Variants in STT3B observed in about 807,000 individuals in gnomAD.
STT3B encodes the protein dolichyl-diphosphooligosaccharide--protein glycosyltransferase subunit STT3B.
STT3B carries 29 observed loss-of-function variants against 96.8 expected under a neutral mutation model. The observed-to-expected ratio is 0.30, with a 90% confidence interval of 0.22 to 0.41. The LOEUF is 0.41. Among genes scored for constraint, STT3B ranks in the 10% least tolerant of loss-of-function variants. The probability of loss-of-function intolerance (pLI) is 1.00; values close to 1 mark genes in which losing one functional copy is unlikely to be tolerated. For missense variants in STT3B, 640 were observed against 1,022.3 expected, an observed-to-expected ratio of 0.63 and a Z score of 5.10; for synonymous variants, 367 against 360.0, an observed-to-expected ratio of 1.02 and a Z score of -0.22.
intron 3 of STT3B, among the ~76,000 whole-genome samples, chr3:31,588,790 C>A (rs991885153): frequency 6.6e-6 from 1 of 151,848 alleles, no homozygotes; most frequent in South Asian, 2.1e-4. Flanking sequence ...CTATGTATTG[C>A]CTTTTGTCAA....
At chr3:31,536,457 T>C (rs1697101775) in intron 1 of STT3B, among the ~76,000 whole-genome samples, 1 of 152,230 alleles carries the variant, frequency 6.6e-6, no homozygotes, top group Admixed American at 6.5e-5. Context: ...CATATCTCTA[T>C]CAATGGTTTC....
In STT3B at chr3:31,626,979, T is replaced by TCACCTGA. The variant is rs1306213494; in HGVS notation, c.2073+856_2073+862dup. On this transcript the variant is annotated intron_variant, in intron 13 of 15. Coordinates refer to ENST00000295770, the MANE Select transcript of STT3B (RefSeq NM_178862.3). The stretch of plus-strand genomic sequence containing the variant: ...CTTGCTTGTGCTTTCTTTCCTTGAC[T>TCACCTGA]CACCTGACACGTGTGTTTTTACTGT... Among the ~76,000 whole-genome samples the TCACCTGA allele has an allele frequency of 2.6e-5, 4 of 152,306 alleles. 1 individual carries two copies. Among genetic ancestry groups the TCACCTGA allele is most frequent in the East Asian group, 1.9e-4 (1 of 5,186 alleles).
At chr3:31,599,646 G>T (rs1698881901) in intron 4 of STT3B, among the ~76,000 whole-genome samples, 2 of 152,134 alleles carry the variant, frequency 1.3e-5, no homozygotes, top group Admixed American at 6.5e-5. Context: ...TAAGAACTTT[G>T]ATATTGACAG....
intron 13 of STT3B, among the ~76,000 whole-genome samples, chr3:31,626,817 C>A (rs1699548210): frequency 6.6e-6 from 1 of 152,078 alleles, no homozygotes; most frequent in African/African-American, 2.4e-5. Flanking sequence ...AAATAGATAA[C>A]CTCTGATAAA....
At chr3:31,546,330 G>A (rs1697413067) in intron 1 of STT3B, among the ~76,000 whole-genome samples, 1 of 152,152 alleles carries the variant, frequency 6.6e-6, no homozygotes, top group Non-Finnish European at 1.5e-5. Flanking sequence ...GTAGTCAGCT[G>A]GGACTAGAAT....
At chr3:31,622,712 A>G (rs1699455237) in intron 10 of STT3B, among the ~76,000 whole-genome samples, 1 of 152,186 alleles carries the variant, frequency 6.6e-6, no homozygotes, top group African/African-American at 2.4e-5. Context: ...TACTTTCAAA[A>G]TATTTTGGAA....
chr3:31,571,938 A>AATTG, intron 1 of STT3B, among the ~76,000 whole-genome samples: 1 of 140,846 alleles, frequency 7.1e-6, no homozygotes, highest in East Asian at 2.0e-4. Flanking sequence ...CATATATATT[A>AATTG]TATATAATAT....
intron 4 of STT3B, among the ~76,000 whole-genome samples, chr3:31,598,569 T>C (rs1336911711): frequency 6.6e-6 from 1 of 152,208 alleles, no homozygotes; most frequent in Non-Finnish European, 1.5e-5. Context: ...AAAATGAATT[T>C]ATGTGGGTCC....
rs1285594094 is a variant in STT3B at position 31,636,345 on chromosome 3, T to C, written c.*281T>C. Reference sequence around the variant, plus strand: ...ATATTATCCTTCAAATCTGAGAATTTGGACTAACTGCACCAAAGAACCCTC... The same window carrying C: ...ATATTATCCTTCAAATCTGAGAATTCGGACTAACTGCACCAAAGAACCCTC... On this transcript the variant is annotated 3_prime_UTR_variant, in exon 16 of 16. Transcript: ENST00000295770. 4.1e-6 allele frequency: 1 copy of C among 245,558 alleles called. No individual in the cohort carries two copies. The highest frequency in any genetic ancestry group is 2.2e-5 in the African/African-American group (1 of 44,944). 15.2% of individuals were successfully genotyped at this position (245,558 alleles called of 1,614,324 possible).
At chr3:31,610,156 G>A (rs1162661760) in intron 5 of STT3B, among the ~76,000 whole-genome samples, 2 of 151,912 alleles carry the variant, frequency 1.3e-5, no homozygotes, top group Non-Finnish European at 2.9e-5. Flanking sequence ...TCTTTATCCT[G>A]CATATCTACC....
At chr3:31,613,794 T>C (rs1405006693) in intron 5 of STT3B, among the ~76,000 whole-genome samples, 1 of 152,024 alleles carries the variant, frequency 6.6e-6, no homozygotes, top group Non-Finnish European at 1.5e-5. Flanking sequence ...TTGTTTAACT[T>C]TGATTACATT....
At chr3:31,580,898 G>A (rs1034519685) in intron 3 of STT3B, among the ~76,000 whole-genome samples, 1 of 150,312 alleles carries the variant, frequency 6.7e-6, no homozygotes, top group African/African-American at 2.4e-5. Context: ...TTATCAAAAA[G>A]TGTTTTTAAA....
intron 1 of STT3B, among the ~76,000 whole-genome samples, chr3:31,545,245 A>AT (rs1441295029): frequency 6.6e-6 from 1 of 152,212 alleles, no homozygotes; most frequent in Non-Finnish European, 1.5e-5. Context: ...CAGTCACTTC[A>AT]TTAGAAAGGA....
chr3:31,535,397 G>T (rs1697064061), intron 1 of STT3B, among the ~76,000 whole-genome samples: 1 of 151,542 alleles, frequency 6.6e-6, no homozygotes, highest in Non-Finnish European at 1.5e-5. Context: ...TCAGTAGTGT[G>T]GTTGGAGGGC....
intron 10 of STT3B, 97 bp downstream of exon 10, chr3:31,622,405 G>T: frequency 9.4e-7 from 1 of 1,068,006 alleles, no homozygotes. Flanking sequence ...GTTATTAAAT[G>T]ATGATTTGGA....
Position 31,573,866 on chromosome 3 carries a change from G to A in STT3B, c.315-2530G>A, listed in dbSNP as rs1056411111. On this transcript the variant is annotated intron_variant, in intron 1 of 15. Coordinates refer to ENST00000295770, the MANE Select transcript of STT3B (RefSeq NM_178862.3). ...AGAGTGAATTAATAAGAGTATCTTA[G>A]GTAGAGGAGGCTACCTATACAGAAA... Among the ~76,000 whole-genome samples, 4 of 152,196 alleles carry A rather than the reference G, an allele frequency of 2.6e-5. No homozygotes were observed. In the East Asian group the frequency reaches 7.7e-4, roughly 29 times the overall value.
chr3:31,577,368 C>T (rs1338607668), intron 2 of STT3B, among the ~76,000 whole-genome samples: 3 of 152,134 alleles, frequency 2.0e-5, no homozygotes, highest in Non-Finnish European at 4.4e-5. Context: ...TTCATAAGTT[C>T]TGATGTGTAG....
intron 1 of STT3B, among the ~76,000 whole-genome samples, chr3:31,570,344 G>A (rs540152357): frequency 6.6e-6 from 1 of 152,302 alleles, no homozygotes; most frequent in African/African-American, 2.4e-5. Flanking sequence ...TCATTGTGAG[G>A]TGAACTTCAG....
chr3:31,604,204 C>A (rs1391225333), intron 5 of STT3B, among the ~76,000 whole-genome samples: 1 of 151,982 alleles, frequency 6.6e-6, no homozygotes, highest in Non-Finnish European at 1.5e-5. Context: ...ATGATATTTG[C>A]TGGGAACCGT....
Sources: allele counts gnomAD v4.1 joint callset (sites outside exome capture counted in the v4.1 genomes callset), GRCh38; gene constraint gnomAD v4.1.1; transcripts MANE v1.5; gene names NCBI Gene and HGNC (gene_info 2026-07-23, HGNC 2026-07-21).